SYNDIG1: variants seen among roughly 807,000 people sequenced by gnomAD.
SYNDIG1 encodes synapse differentiation-inducing gene protein 1.
Under a neutral mutation model 19.4 loss-of-function variants are expected in SYNDIG1, and 9 were observed. That is an observed-to-expected ratio of 0.46 (90% confidence interval 0.28 to 0.81). The LOEUF (loss-of-function observed/expected upper bound fraction) is 0.81. Among genes scored for constraint, SYNDIG1 ranks in the 30% least tolerant of loss-of-function variants. The probability of loss-of-function intolerance (pLI) is 0.12; values close to 1 mark genes in which losing one functional copy is unlikely to be tolerated. For missense variants in SYNDIG1, 311 were observed against 343.3 expected (o/e 0.91, Z 0.74); for synonymous variants, 141 against 145.9 (o/e 0.97, Z 0.24).
chr20:24,503,265 C>T (rs1450047400), intron 1 of SYNDIG1, among the ~76,000 whole-genome samples: 1 of 152,186 alleles, frequency 6.6e-6, no homozygotes, highest in African/African-American at 2.4e-5. Flanking sequence ...GTACTTATCA[C>T]GCAAGGCAGG....
chr20:24,521,457 C>T (rs2057001062), intron 1 of SYNDIG1, among the ~76,000 whole-genome samples: 1 of 152,042 alleles, frequency 6.6e-6, no homozygotes, highest in Admixed American at 6.6e-5. Flanking sequence ...TCTTTGAGGA[C>T]CCACCGTCTT....
At chr20:24,523,826 C>T (rs897982819) in intron 1 of SYNDIG1, among the ~76,000 whole-genome samples, 2 of 152,166 alleles carry the variant, frequency 1.3e-5, no homozygotes, top group East Asian at 1.9e-4. Context: ...TGCGCGCTGC[C>T]GTTCTTGCTC....
chr20:24,615,564 G>A (rs989873336), intron 3 of SYNDIG1, among the ~76,000 whole-genome samples: 2 of 152,232 alleles, frequency 1.3e-5, no homozygotes, highest in South Asian at 2.1e-4. Flanking sequence ...CCATGGACCC[G>A]GGGCCAGGCA....
intron 3 of SYNDIG1, among the ~76,000 whole-genome samples, chr20:24,652,083 T>C (rs1341946284): frequency 6.6e-6 from 1 of 152,246 alleles, no homozygotes; most frequent in Non-Finnish European, 1.5e-5. Flanking sequence ...CCACCAGGCT[T>C]TGGAACCATT....
rs545511293 is a variant in SYNDIG1, at chr20:24,573,143, G to A, written c.481-11713G>A. On this transcript the variant is annotated intron_variant, in intron 2 of 3. Transcript: ENST00000376862. Reference sequence around the variant, plus strand: ...TGTGAAGAGCATTCCTGTGGCGCAAGTGAGAATTACCATGCAAGCAACGTA... The same window carrying A: ...TGTGAAGAGCATTCCTGTGGCGCAAATGAGAATTACCATGCAAGCAACGTA... 2.6e-5 allele frequency among the ~76,000 whole-genome samples: 4 copies of A among 152,352 alleles called. No individual in the cohort carries two copies. In the East Asian group the frequency reaches 7.7e-4, roughly 29 times the overall value.
intron 3 of SYNDIG1, among the ~76,000 whole-genome samples, chr20:24,638,733 A>G (rs1403443131): frequency 6.6e-6 from 1 of 152,248 alleles, no homozygotes; most frequent in East Asian, 1.9e-4. Flanking sequence ...AAACAAAAAA[A>G]GGAATGGCCA....
At chr20:24,662,206 T>A (rs1475480947) in intron 3 of SYNDIG1, among the ~76,000 whole-genome samples, 2 of 151,618 alleles carry the variant, frequency 1.3e-5, no homozygotes, top group African/African-American at 2.4e-5. Context: ...CGTCCTCTGC[T>A]TGTGTAACTT....
chr20:24,584,367 G>A (rs532159782), intron 2 of SYNDIG1, among the ~76,000 whole-genome samples: 4 of 152,338 alleles, frequency 2.6e-5, no homozygotes, highest in East Asian at 1.9e-4. Context: ...GAGAAGTCTC[G>A]TAATACAAAG....
At chr20:24,647,329 G>C (rs539027972) in intron 3 of SYNDIG1, among the ~76,000 whole-genome samples, 2 of 152,136 alleles carry the variant, frequency 1.3e-5, no homozygotes, top group African/African-American at 2.4e-5. Flanking sequence ...CTGTTTCCCT[G>C]GAGCTGACAC....
intron 3 of SYNDIG1, among the ~76,000 whole-genome samples, chr20:24,586,644 C>A (rs886869767): frequency 1.3e-5 from 2 of 152,190 alleles, no homozygotes; most frequent in Non-Finnish European, 2.9e-5. Context: ...CCGAAGCCTC[C>A]CTTGTACACT....
At chr20:24,631,614 A>T (rs1288137402) in intron 3 of SYNDIG1, among the ~76,000 whole-genome samples, 1 of 152,254 alleles carries the variant, frequency 6.6e-6, no homozygotes, top group Non-Finnish European at 1.5e-5. Flanking sequence ...AAGGACTTCC[A>T]GAGCAGAGCT....
At chr20:24,632,511 A>C (rs2059259409) in intron 3 of SYNDIG1, among the ~76,000 whole-genome samples, 1 of 152,212 alleles carries the variant, frequency 6.6e-6, no homozygotes, top group African/African-American at 2.4e-5. Context: ...AAGTGCTGGG[A>C]TTACAGGCAT....
chr20:24,542,723 C>T (rs995143576), intron 1 of SYNDIG1, among the ~76,000 whole-genome samples: 6 of 152,178 alleles, frequency 3.9e-5, no homozygotes, highest in Admixed American at 3.9e-4. Context: ...TTCAGGATGT[C>T]TGCTAGCAAT....
intron 1 of SYNDIG1, among the ~76,000 whole-genome samples, chr20:24,507,953 G>GCA (rs953011396): frequency 6.6e-6 from 1 of 152,300 alleles, no homozygotes; most frequent in African/African-American, 2.4e-5. Context: ...CTGCAGGGAA[G>GCA]CACCCTCAGT....
Position 24,554,137 on chromosome 20 carries a change from A to G in SYNDIG1, c.480+10560A>G, listed in dbSNP as rs539014260. 2.0e-5 allele frequency among the ~76,000 whole-genome samples: 3 copies of G among 152,248 alleles called. No individual in the cohort carries two copies. The South Asian group carries it at 6.2e-4, about 32-fold the overall frequency. On this transcript the variant is annotated intron_variant, in intron 2 of 3. Coordinates refer to ENST00000376862, the MANE Select transcript of SYNDIG1 (RefSeq NM_024893.3). ...TTATTGGTGTATAAGAATGCTTGTG[A>G]TTTTTGTACATTGATTTTGTATCCT...
intron 3 of SYNDIG1, among the ~76,000 whole-genome samples, chr20:24,647,836 T>C (rs2059435913): frequency 6.6e-6 from 1 of 151,198 alleles, no homozygotes. Flanking sequence ...CAGACTGAGC[T>C]GCTGTCACAA....
intron 3 of SYNDIG1, among the ~76,000 whole-genome samples, chr20:24,599,217 C>G (rs2058641526): frequency 6.6e-6 from 1 of 152,092 alleles, no homozygotes; most frequent in South Asian, 2.1e-4. Context: ...AAACTGCTAA[C>G]AGATGTATGA....
chr20:24,563,699 T>C (rs2057987682), intron 2 of SYNDIG1, among the ~76,000 whole-genome samples: 1 of 152,192 alleles, frequency 6.6e-6, no homozygotes, highest in Non-Finnish European at 1.5e-5. Context: ...CCTCCCAGAC[T>C]CAAGCAATCT....
intron 3 of SYNDIG1, among the ~76,000 whole-genome samples, chr20:24,586,327 C>T (rs961835463): frequency 3.9e-5 from 6 of 152,162 alleles, no homozygotes; most frequent in South Asian, 2.1e-4. Flanking sequence ...CTTGTGACTT[C>T]GTCCCACAAA....
Sources: allele counts gnomAD v4.1 joint callset (sites outside exome capture counted in the v4.1 genomes callset), GRCh38; gene constraint gnomAD v4.1.1; transcripts MANE v1.5; gene names NCBI Gene and HGNC (gene_info 2026-07-23, HGNC 2026-07-21).